Variants in LIN7A observed in about 807,000 individuals in gnomAD.
LIN7A encodes the protein protein lin-7 homolog A.
Under a neutral mutation model 29.8 loss-of-function variants are expected in LIN7A, and 25 were observed. That is an observed-to-expected ratio of 0.84 (90% CI 0.61 to 1.17). The LOEUF (loss-of-function observed/expected upper bound fraction) is 1.17, where lower values mean the gene tolerates loss of function less well. Among genes scored for constraint, LIN7A ranks in the 50% most tolerant of loss-of-function variants. The probability of loss-of-function intolerance (pLI) is 0.00; values close to 1 mark genes in which losing one functional copy is unlikely to be tolerated. For missense variants in LIN7A, 239 were observed against 287.0 expected (o/e 0.83, Z 1.21); for synonymous variants, 118 against 107.5 (o/e 1.10, Z -0.60).
At chr12:80,915,797 C>T (rs553557021) in intron 1 of LIN7A, among the ~76,000 whole-genome samples, 8 of 152,262 alleles carry the variant, frequency 5.3e-5, no homozygotes, top group South Asian at 4.1e-4. Flanking sequence ...AAATACCACA[C>T]GTTCTCACTT....
At chr12:80,862,486 AAC>A (rs1485626439) in intron 2 of LIN7A, among the ~76,000 whole-genome samples, 1 of 152,212 alleles carries the variant, frequency 6.6e-6, no homozygotes, top group African/African-American at 2.4e-5. Context: ...ATCAATTCAT[AAC>A]AGTTTTATGA....
chr12:80,873,898 G>A (rs1185027843), intron 2 of LIN7A, among the ~76,000 whole-genome samples: 1 of 148,456 alleles, frequency 6.7e-6, no homozygotes, highest in African/African-American at 2.5e-5. Context: ...TGGGAAAGAT[G>A]CCTCTTAAAT....
intron 2 of LIN7A, among the ~76,000 whole-genome samples, chr12:80,876,052 TAC>T (rs67035673): frequency 0.037 from 5,456 of 148,196 alleles, 251 homozygotes; most frequent in Admixed American, 0.14. Flanking sequence ...ATTATTTTTA[TAC>T]ACACACACAC....
Position 80,937,847 on chromosome 12 carries a change from G to T in LIN7A, c.-125C>A. The T allele has an allele frequency of 1.4e-6, 1 of 702,686 alleles. No individual in the cohort carries two copies. Among genetic ancestry groups the T allele is most frequent in the Non-Finnish European group, 2.2e-6 (1 of 460,746 alleles). The allele number at this position is 702,686 out of a possible 1,614,324, so 43.5% of individuals were successfully genotyped here. A position where few individuals can be genotyped will look rare whatever the true frequency, so the allele number is the denominator to read the frequency against. On this transcript the variant is annotated 5_prime_UTR_variant, in exon 1 of 6. Coordinates refer to ENST00000552864, the MANE Select transcript of LIN7A (RefSeq NM_004664.4). ...TGGTGGTGGAGAAGAAAGCTTGGGT[G>T]GGTTGGTAGCCAGATGGAGACGCAA...
At chr12:80,856,454 G>A (rs1381895747) in intron 2 of LIN7A, among the ~76,000 whole-genome samples, 5 of 152,172 alleles carry the variant, frequency 3.3e-5, no homozygotes, top group Non-Finnish European at 5.9e-5. Context: ...AATAGGTCAA[G>A]GTCTTGGAGA....
At chr12:80,808,505 T>C (rs1049199327) in intron 5 of LIN7A, among the ~76,000 whole-genome samples, 10 of 149,510 alleles carry the variant, frequency 6.7e-5, no homozygotes, top group African/African-American at 2.5e-4. Flanking sequence ...TTTTTCTTTT[T>C]TCTTTTTTTT....
intron 1 of LIN7A, among the ~76,000 whole-genome samples, chr12:80,908,808 A>G (rs541494071): frequency 3.3e-5 from 5 of 152,002 alleles, no homozygotes; most frequent in Non-Finnish European, 7.4e-5. Context: ...GTATCTATAC[A>G]AATCTTTTAT....
intron 1 of LIN7A, among the ~76,000 whole-genome samples, chr12:80,915,166 AC>A (rs1401388753): frequency 2.0e-4 from 30 of 149,906 alleles, no homozygotes; most frequent in Non-Finnish European, 3.1e-4. Flanking sequence ...AAAAAAAAAA[AC>A]AAAAAAACAA....
chr12:80,844,593 G>T (rs1872972009), intron 4 of LIN7A, among the ~76,000 whole-genome samples: 1 of 152,004 alleles, frequency 6.6e-6, no homozygotes, highest in Admixed American at 6.6e-5. Context: ...TTAGAAAAAA[G>T]ATCTTAGGTT....
At chr12:80,812,392 G>A (rs1484744504) in intron 4 of LIN7A, among the ~76,000 whole-genome samples, 1 of 144,950 alleles carries the variant, frequency 6.9e-6, no homozygotes, top group Non-Finnish European at 1.5e-5. Flanking sequence ...AAATGCCACA[G>A]GAAAAATAAC....
chr12:80,867,094 G>C (rs376452447), intron 2 of LIN7A, among the ~76,000 whole-genome samples: 2 of 152,114 alleles, frequency 1.3e-5, no homozygotes, highest in South Asian at 2.1e-4. Flanking sequence ...TGGGGTTACA[G>C]GTATGTACCA....
chr12:80,842,552 TGTACC>T (rs994370103), intron 4 of LIN7A, among the ~76,000 whole-genome samples: 2 of 152,176 alleles, frequency 1.3e-5, no homozygotes, highest in African/African-American at 4.8e-5. Flanking sequence ...CTCCTGAAAT[TGTACC>T]TTATTTAAAG....
intron 2 of LIN7A, chr12:80,860,818 T>C (rs929568440): frequency 1.3e-5 from 2 of 152,186 alleles, no homozygotes; most frequent in African/African-American, 2.4e-5. Flanking sequence ...TAGTAGATCT[T>C]TGATTGTGGA....
At chr12:80,920,414 A>G (rs933265392) in intron 1 of LIN7A, among the ~76,000 whole-genome samples, 33 of 152,198 alleles carry the variant, frequency 2.2e-4, no homozygotes, top group African/African-American at 7.7e-4. Context: ...AGATACAACA[A>G]TAGCACCAAA....
chr12:80,882,616 A>C (rs1426790740), intron 2 of LIN7A, among the ~76,000 whole-genome samples: 1 of 151,980 alleles, frequency 6.6e-6, no homozygotes, highest in Non-Finnish European at 1.5e-5. Context: ...CACCTATTTT[A>C]TGTTTTTCTT....
chr12:80,901,876 G>T (rs1282100912), intron 1 of LIN7A, among the ~76,000 whole-genome samples: 1 of 152,082 alleles, frequency 6.6e-6, no homozygotes, highest in Non-Finnish European at 1.5e-5. Context: ...GTATGATGAG[G>T]TTAGTGTGGT....
chr12:80,799,276 T>A (rs1870604250), intron 5 of LIN7A, among the ~76,000 whole-genome samples: 1 of 152,216 alleles, frequency 6.6e-6, no homozygotes, highest in South Asian at 2.1e-4. Flanking sequence ...ATTAACAATT[T>A]ATTTTTAAGA....
chr12:80,813,302 T>C (rs571969669), intron 4 of LIN7A, among the ~76,000 whole-genome samples: 9 of 152,344 alleles, frequency 5.9e-5, no homozygotes, highest in South Asian at 2.1e-4. Context: ...TAAGCCACCG[T>C]GCCTGGTCAA....
chr12:80,801,989 T>C (rs144060194), intron 5 of LIN7A, among the ~76,000 whole-genome samples: 2,083 of 151,592 alleles, frequency 0.014, 34 homozygotes, highest in African/African-American at 0.044. Context: ...CTCCACCTCC[T>C]GGGTTCAATC....
Sources: allele counts gnomAD v4.1 joint callset (sites outside exome capture counted in the v4.1 genomes callset), GRCh38; gene constraint gnomAD v4.1.1; transcripts MANE v1.5; gene names NCBI Gene and HGNC (gene_info 2026-07-23, HGNC 2026-07-21).